The following LRRTM4 variants were observed in gnomAD, a reference collection of about 807,000 sequenced individuals.
LRRTM4 encodes leucine rich repeat transmembrane neuronal 4, also known as leucine-rich repeat transmembrane neuronal protein 4.
A neutral mutation model predicts 47.6 loss-of-function variants in LRRTM4; 25 were observed. That is an observed-to-expected ratio of 0.53 (90% confidence interval 0.38 to 0.73). The LOEUF is 0.73. Ranked by LOEUF, LRRTM4 falls within the 30% of genes least tolerant of loss-of-function variation. LRRTM4 has a pLI of 0.00. For synonymous variants in LRRTM4, 311 were observed against 269.5 expected, an observed-to-expected ratio of 1.15 and a Z score of -1.51; for missense variants, 638 against 713.4, an observed-to-expected ratio of 0.89 and a Z score of 1.20.
At chr2:76,757,244 C>A (rs1312926434) in intron 3 of LRRTM4, among the ~76,000 whole-genome samples, 2 of 152,030 alleles carry the variant, frequency 1.3e-5, no homozygotes, top group Non-Finnish European at 2.9e-5. Context: ...TTCTCTATAG[C>A]ATTTGTTTGT....
chr2:77,310,032 A>G (rs1054380348), intron 3 of LRRTM4, among the ~76,000 whole-genome samples: 1 of 152,170 alleles, frequency 6.6e-6, no homozygotes, highest in African/African-American at 2.4e-5. Flanking sequence ...AATATTTGCT[A>G]TCTTGCTCTT....
At chr2:77,337,755 T>C (rs1010064196) in intron 3 of LRRTM4, among the ~76,000 whole-genome samples, 3 of 152,110 alleles carry the variant, frequency 2.0e-5, no homozygotes, top group Admixed American at 6.6e-5. Flanking sequence ...TATTTCTTTA[T>C]AGCAGTGTGA....
At chr2:77,005,094 G>C (rs1224302499) in intron 3 of LRRTM4, among the ~76,000 whole-genome samples, 1 of 151,942 alleles carries the variant, frequency 6.6e-6, no homozygotes, top group African/African-American at 2.4e-5. Flanking sequence ...TTGGGTTAAT[G>C]CTGGAGTTAG....
At chr2:77,462,105 A>C (rs1053978533) in intron 3 of LRRTM4, among the ~76,000 whole-genome samples, 1 of 152,038 alleles carries the variant, frequency 6.6e-6, no homozygotes, top group Admixed American at 6.6e-5. Flanking sequence ...GTCTGACTTA[A>C]ATGCTCCATA....
chr2:77,276,348 A>G, intron 3 of LRRTM4, among the ~76,000 whole-genome samples: 1 of 131,210 alleles, frequency 7.6e-6, no homozygotes, highest in Non-Finnish European at 1.5e-5. Flanking sequence ...AAGGAAGGAA[A>G]AAAGGAAGGA....
At chr2:76,819,515 TG>T (rs1670995889) in intron 3 of LRRTM4, among the ~76,000 whole-genome samples, 1 of 151,878 alleles carries the variant, frequency 6.6e-6, no homozygotes, top group Non-Finnish European at 1.5e-5. Context: ...TATCTTAACA[TG>T]CTGTTGATAG....
chr2:77,007,412 T>A (rs76074181), intron 3 of LRRTM4, among the ~76,000 whole-genome samples: 1 of 152,130 alleles, frequency 6.6e-6, no homozygotes, highest in East Asian at 1.9e-4. Context: ...CATGTAAAAT[T>A]TGCTGAGATA....
intron 3 of LRRTM4, among the ~76,000 whole-genome samples, chr2:77,360,610 G>A (rs1204406082): frequency 1.3e-5 from 2 of 151,354 alleles, no homozygotes. Context: ...CTTGTAATTT[G>A]TGGATAATGA....
chr2:77,068,478 C>A (rs1176356795), intron 3 of LRRTM4, among the ~76,000 whole-genome samples: 1 of 152,186 alleles, frequency 6.6e-6, no homozygotes, highest in African/African-American at 2.4e-5. Context: ...TCAATGGGAA[C>A]CCCTGACAAC....
chr2:77,458,560 C>T (rs1676654557), intron 3 of LRRTM4, among the ~76,000 whole-genome samples: 1 of 151,870 alleles, frequency 6.6e-6, no homozygotes, highest in African/African-American at 2.4e-5. Context: ...TAATGAAATC[C>T]ATTTGCACTT....
chr2:77,382,109 TG>T lies in LRRTM4; in HGVS notation c.1551+136208del, dbSNP rs138482911. ...AATTTTGTTCTTGTCTTCTAAACTA[TG>T]GTCAAGGCTCAAGTATCTAGGCTTA... On this transcript the variant is annotated intron_variant, in intron 3 of 3. Coordinates refer to ENST00000409884, the MANE Select transcript of LRRTM4 (RefSeq NM_001134745.3). 5.5e-3 allele frequency among the ~76,000 whole-genome samples: 839 copies of T among 152,178 alleles called. 8 individuals are homozygous for T. Among genetic ancestry groups the T allele is most frequent in the African/African-American group, 0.019 (810 of 41,554 alleles).
chr2:76,888,060 T>G (rs993608204), intron 3 of LRRTM4, among the ~76,000 whole-genome samples: 1 of 150,490 alleles, frequency 6.6e-6, no homozygotes, highest in Non-Finnish European at 1.5e-5. Flanking sequence ...TATATGTGTG[T>G]TTGTATATAT....
chr2:77,464,430 TTA>T (rs746177719), intron 3 of LRRTM4, among the ~76,000 whole-genome samples: 2 of 152,096 alleles, frequency 1.3e-5, no homozygotes, highest in African/African-American at 4.8e-5. Flanking sequence ...TAAAAGTAAT[TTA>T]TATATATAAT....
intron 3 of LRRTM4, among the ~76,000 whole-genome samples, chr2:76,968,188 T>C (rs755659176): frequency 6.6e-6 from 1 of 150,956 alleles, no homozygotes; most frequent in Non-Finnish European, 1.5e-5. Context: ...AAGACATTCA[T>C]AAAATCTGTT....
At chr2:76,754,110 T>TA (rs1672945333) in intron 3 of LRRTM4, among the ~76,000 whole-genome samples, 1 of 152,160 alleles carries the variant, frequency 6.6e-6, no homozygotes, top group Non-Finnish European at 1.5e-5. Flanking sequence ...TCAGGGCATT[T>TA]AAAAAGTACC....
chr2:76,970,038 T>C (rs1312810340), intron 3 of LRRTM4, among the ~76,000 whole-genome samples: 1 of 151,956 alleles, frequency 6.6e-6, no homozygotes, highest in African/African-American at 2.4e-5. Flanking sequence ...TTTAGGAAGA[T>C]GAAATTGAAA....
intron 3 of LRRTM4, among the ~76,000 whole-genome samples, chr2:76,868,765 C>G (rs1672537586): frequency 6.6e-6 from 1 of 152,104 alleles, no homozygotes. Flanking sequence ...TAAACTGAGT[C>G]AGACCCAGAT....
chr2:77,241,134 T>C (rs1464780057), intron 3 of LRRTM4, among the ~76,000 whole-genome samples: 1 of 151,468 alleles, frequency 6.6e-6, no homozygotes, highest in Non-Finnish European at 1.5e-5. Flanking sequence ...GTTGGAGGAC[T>C]CAGATGACCT....
chr2:76,867,644 T>C (rs1053879969), intron 3 of LRRTM4, among the ~76,000 whole-genome samples: 3 of 152,200 alleles, frequency 2.0e-5, no homozygotes, highest in Admixed American at 1.3e-4. Context: ...CTAAATCCAA[T>C]AGCAATATAC....
Sources: allele counts gnomAD v4.1 joint callset (sites outside exome capture counted in the v4.1 genomes callset), GRCh38; gene constraint gnomAD v4.1.1; transcripts MANE v1.5; gene names NCBI Gene and HGNC (gene_info 2026-07-23, HGNC 2026-07-21).